WWOX: variants seen among roughly 807,000 people sequenced by gnomAD.
WWOX encodes WW domain-containing oxidoreductase.
WWOX carries 69 observed loss-of-function variants against 46.2 expected under a neutral mutation model. The ratio of observed to expected loss-of-function variants is 1.49; its 90% CI spans 1.23 to 1.82. WWOX has a LOEUF of 1.82. Ranked by LOEUF, WWOX falls within the 40% of genes most tolerant of loss-of-function variation. WWOX has a pLI of 0.00. For missense variants in WWOX, 919 were observed against 542.6 expected (o/e 1.69, Z -6.89); for synonymous variants, 359 against 202.6 (o/e 1.77, Z -6.56).
intron 8 of WWOX, among the ~76,000 whole-genome samples, chr16:78,969,659 C>G (rs1033433489): frequency 3.3e-5 from 5 of 152,006 alleles, no homozygotes; most frequent in Non-Finnish European, 4.4e-5. Context: ...AGGGAGTTTC[C>G]TGCAGCTTTA....
intron 8 of WWOX, among the ~76,000 whole-genome samples, chr16:78,811,778 C>A (rs1879198389): frequency 6.6e-6 from 1 of 152,120 alleles, no homozygotes; most frequent in Admixed American, 6.5e-5. Flanking sequence ...CAGATACCAT[C>A]CCACTGATGG....
intron 8 of WWOX, among the ~76,000 whole-genome samples, chr16:78,720,062 C>T (rs759555779): frequency 3.3e-5 from 5 of 152,130 alleles, no homozygotes; most frequent in African/African-American, 4.8e-5. Flanking sequence ...CAGAAAACAA[C>T]GATTTCAATT....
intron 8 of WWOX, among the ~76,000 whole-genome samples, chr16:78,818,116 A>G (rs963279374): frequency 3.9e-5 from 6 of 152,212 alleles, no homozygotes; most frequent in African/African-American, 1.4e-4. Flanking sequence ...AGGCTTTTAT[A>G]AACCTGCCTT....
At chr16:78,469,545 C>T (rs1439824879) in intron 8 of WWOX, among the ~76,000 whole-genome samples, 1 of 152,144 alleles carries the variant, frequency 6.6e-6, no homozygotes, top group African/African-American at 2.4e-5. Flanking sequence ...GGAAGCATGT[C>T]ATGGGGTGTG....
chr16:79,182,506 G>A (rs2050932352), intron 8 of WWOX, among the ~76,000 whole-genome samples: 1 of 150,626 alleles, frequency 6.6e-6, no homozygotes. Flanking sequence ...CACTGGGATT[G>A]GAAGGGATCA....
In WWOX at chr16:78,740,081, C is replaced by A. The variant is rs1176871586; in HGVS notation, c.1056+307329C>A. On this transcript the variant is annotated intron_variant, in intron 8 of 8. Coordinates refer to ENST00000566780, the MANE Select transcript of WWOX (RefSeq NM_016373.4). Reference sequence around the variant, plus strand: ...CCACTGTGGTCACCTTTGCCACCTGCCCTGCTTTGGTCCCTTCTCTGCATT... The same window carrying A: ...CCACTGTGGTCACCTTTGCCACCTGACCTGCTTTGGTCCCTTCTCTGCATT... Among the ~76,000 whole-genome samples the A allele has an allele frequency of 5.9e-5, 9 of 152,232 alleles. No individual in the cohort carries two copies. The East Asian group carries it at 1.7e-3, about 30-fold the overall frequency.
chr16:78,850,021 G>A (rs1033403116), intron 8 of WWOX, among the ~76,000 whole-genome samples: 2 of 151,882 alleles, frequency 1.3e-5, no homozygotes, highest in African/African-American at 2.4e-5. Context: ...GTGGTGAGCC[G>A]AGACAATGCC....
At chr16:78,216,405 C>T (rs1021786235) in intron 5 of WWOX, among the ~76,000 whole-genome samples, 3 of 152,178 alleles carry the variant, frequency 2.0e-5, no homozygotes, top group Non-Finnish European at 4.4e-5. Context: ...ACCAGTGTAG[C>T]ACCTAAACAA....
chr16:78,443,689 T>C (rs1009037396), intron 8 of WWOX, among the ~76,000 whole-genome samples: 12 of 152,198 alleles, frequency 7.9e-5, no homozygotes, highest in Non-Finnish European at 1.5e-4. Flanking sequence ...AGATTTGCAA[T>C]TCCCCTAGTT....
intron 3 of WWOX, among the ~76,000 whole-genome samples, chr16:78,110,934 T>C (rs1290339731): frequency 2.6e-5 from 4 of 152,238 alleles, no homozygotes; most frequent in Non-Finnish European, 1.5e-5. Flanking sequence ...CTGTCAACAT[T>C]TAAATTAGAA....
intron 8 of WWOX, among the ~76,000 whole-genome samples, chr16:78,686,251 C>G (rs2047854770): frequency 6.6e-6 from 1 of 152,118 alleles, no homozygotes; most frequent in Non-Finnish European, 1.5e-5. Context: ...GTGGCTCAGG[C>G]CTGTAATCCC....
chr16:78,899,755 G>T (rs1200839591), intron 8 of WWOX: 8 of 152,142 alleles, frequency 5.3e-5, no homozygotes, highest in African/African-American at 1.9e-4. Flanking sequence ...GATCCCTGAA[G>T]AATTGTGTGC....
At chr16:78,722,617 GGT>G in intron 8 of WWOX, among the ~76,000 whole-genome samples, 1 of 151,846 alleles carries the variant, frequency 6.6e-6, no homozygotes, top group East Asian at 1.9e-4. Context: ...CTTATCCCCT[GGT>G]AGGTATAATG....
chr16:78,218,995 C>G (rs2151796180), intron 5 of WWOX, among the ~76,000 whole-genome samples: 1 of 152,290 alleles, frequency 6.6e-6, no homozygotes, highest in South Asian at 2.1e-4. Context: ...TTTTATGCAA[C>G]TTGATGTTTA....
intron 8 of WWOX, among the ~76,000 whole-genome samples, chr16:78,947,008 C>G (rs2062898): frequency 0.6 from 90,875 of 151,434 alleles, 29,634 homozygotes; most frequent in East Asian, 0.87. Context: ...CTTTGTTCCC[C>G]CTCAGTCTTG....
intron 5 of WWOX, among the ~76,000 whole-genome samples, chr16:78,217,449 G>A (rs1163169574): frequency 1.3e-5 from 2 of 152,178 alleles, no homozygotes; most frequent in Non-Finnish European, 2.9e-5. Flanking sequence ...AATCGAGGGT[G>A]CCAAATAATC....
chr16:78,452,191 G>C (rs1196363938), intron 8 of WWOX, among the ~76,000 whole-genome samples: 1 of 152,112 alleles, frequency 6.6e-6, no homozygotes, highest in Non-Finnish European at 1.5e-5. Context: ...TTGATCTGTA[G>C]TTCGGACATA....
chr16:78,528,124 G>A (rs1490544390), intron 8 of WWOX, among the ~76,000 whole-genome samples: 3 of 141,796 alleles, frequency 2.1e-5, no homozygotes, highest in South Asian at 2.3e-4. Flanking sequence ...TCAGCCTCCC[G>A]AGTAGCTGGG....
intron 5 of WWOX, among the ~76,000 whole-genome samples, chr16:78,261,282 GATACATAC>G (rs148569284): frequency 7.1e-6 from 1 of 139,898 alleles, no homozygotes; most frequent in Non-Finnish European, 1.6e-5. Flanking sequence ...TAGATAGATA[GATACATAC>G]ATACATACAT....
Sources: gnomAD v4.1 joint callset for allele counts (sites outside exome capture counted in the v4.1 genomes callset) on GRCh38, gnomAD v4.1.1 for gene constraint, MANE v1.5 for transcripts, NCBI Gene and HGNC (gene_info 2026-07-23, HGNC 2026-07-21) for gene names.